SYN3: variants seen among roughly 807,000 people sequenced by gnomAD.
The protein encoded by SYN3 is synapsin III.
In SYN3, 35 loss-of-function variants were observed where a neutral mutation model predicts 65.8. The observed-to-expected ratio is 0.53, with a 90% CI of 0.41 to 0.70. The LOEUF is 0.70. Among genes scored for constraint, SYN3 ranks in the 30% least tolerant of loss-of-function variants. The probability of loss-of-function intolerance (pLI) is 0.00; values close to 1 mark genes in which losing one functional copy is unlikely to be tolerated. For missense variants in SYN3, 680 were observed against 749.0 expected, an observed-to-expected ratio of 0.91 and a Z score of 1.08; for synonymous variants, 270 against 292.9, an observed-to-expected ratio of 0.92 and a Z score of 0.80.
intron 6 of SYN3, among the ~76,000 whole-genome samples, chr22:32,690,976 C>A (rs2060654080): frequency 6.6e-6 from 1 of 152,132 alleles, no homozygotes; most frequent in African/African-American, 2.4e-5. Context: ...GATGGGGAGG[C>A]TGTGGGCTCA....
chr22:32,964,567 A>G (rs2051768429), intron 3 of SYN3, among the ~76,000 whole-genome samples: 1 of 152,168 alleles, frequency 6.6e-6, no homozygotes, highest in South Asian at 2.1e-4. Context: ...AGGGGAAAAC[A>G]GGTAGACACA....
intron 4 of SYN3, among the ~76,000 whole-genome samples, chr22:32,887,864 T>C: frequency 6.6e-6 from 1 of 152,140 alleles, no homozygotes; most frequent in East Asian, 1.9e-4. Context: ...TGGGGAAAGG[T>C]CTAGAGGAGA....
intron 3 of SYN3, among the ~76,000 whole-genome samples, chr22:32,974,825 A>G (rs1374190674): frequency 6.6e-6 from 1 of 152,202 alleles, no homozygotes; most frequent in Non-Finnish European, 1.5e-5. Flanking sequence ...AGCATATTAC[A>G]TTAACTCATT....
At chr22:32,842,325 C>A (rs1235688891) in intron 6 of SYN3, among the ~76,000 whole-genome samples, 1 of 152,076 alleles carries the variant, frequency 6.6e-6, no homozygotes, top group African/African-American at 2.4e-5. Context: ...ATCAGAGGGA[C>A]CCAGTCCAGG....
At chr22:32,629,146 CAGA>C (rs1343232036) in intron 6 of SYN3, among the ~76,000 whole-genome samples, 2 of 152,282 alleles carry the variant, frequency 1.3e-5, no homozygotes, top group African/African-American at 4.8e-5. Context: ...CCATCCCACT[CAGA>C]AATCGCTTTG....
chr22:32,782,515 CTTTTTT>C (rs1265679936), intron 6 of SYN3, among the ~76,000 whole-genome samples: 1 of 124,172 alleles, frequency 8.1e-6, no homozygotes. Flanking sequence ...CCTTGTAATT[CTTTTTT>C]TTTTTTTTTT....
intron 4 of SYN3, among the ~76,000 whole-genome samples, chr22:32,882,929 C>T (rs2049182780): frequency 6.6e-6 from 1 of 152,014 alleles, no homozygotes; most frequent in African/African-American, 2.4e-5. Context: ...CTCCTCTAAG[C>T]CCTTGCTTCT....
At chr22:32,949,835 G>A (rs190236836) in intron 3 of SYN3, among the ~76,000 whole-genome samples, 40 of 152,290 alleles carry the variant, frequency 2.6e-4, no homozygotes, top group Admixed American at 2.5e-3. Flanking sequence ...AGCAGAAATC[G>A]AGACATGGAC....
chr22:32,529,016 G>T lies in SYN3; in HGVS notation c.1096-8C>A. 6.2e-7 allele frequency: 1 copy of T among 1,613,718 alleles called. No individual in the cohort carries two copies. ...CATTGAGCTGTCCATTACCTGTGGG[G>T]AGGAAGGGAGAGCTGAGGGACCCCC... On this transcript the variant is annotated splice_polypyrimidine_tract_variant and splice_region_variant and intron_variant, in intron 10 of 13. Transcript: ENST00000358763.
intron 3 of SYN3, among the ~76,000 whole-genome samples, chr22:32,941,385 A>G (rs1197730493): frequency 1.3e-5 from 2 of 152,216 alleles, no homozygotes; most frequent in East Asian, 3.8e-4. Flanking sequence ...CCTTGTTGAA[A>G]GCTTGAGCCC....
Position 32,668,327 on chromosome 22 carries a change from G to A in SYN3, c.712-71591C>T, listed in dbSNP as rs562340633. Among the ~76,000 whole-genome samples, 74 of 152,050 alleles carry A rather than the reference G, an allele frequency of 4.9e-4. 2 individuals carry two copies. The South Asian group carries it at 0.015, about 31-fold the overall frequency. ...TATCTTTTCAATGAAAATGACAATCGGTTTTGTTTCTCCTCACTTCCCTCA... is the reference window on the plus strand; with the variant it reads ...TATCTTTTCAATGAAAATGACAATCAGTTTTGTTTCTCCTCACTTCCCTCA... On this transcript the variant is annotated intron_variant, in intron 6 of 13. Coordinates refer to ENST00000358763, the MANE Select transcript of SYN3 (RefSeq NM_003490.4).
intron 2 of SYN3, among the ~76,000 whole-genome samples, chr22:32,992,471 A>C (rs911426631): frequency 8.5e-5 from 13 of 152,158 alleles, no homozygotes; most frequent in Non-Finnish European, 1.8e-4. Flanking sequence ...GTCATGAAAC[A>C]AGTCCTCTAG....
chr22:32,814,227 GAAAAA>G (rs1246463192), intron 6 of SYN3, among the ~76,000 whole-genome samples: 1 of 122,990 alleles, frequency 8.1e-6, no homozygotes, highest in Non-Finnish European at 1.7e-5. Context: ...AGGAAAGAAA[GAAAAA>G]AAAAGAAAGA....
intron 6 of SYN3, among the ~76,000 whole-genome samples, chr22:32,857,544 C>T (rs2048405477): frequency 1.3e-5 from 2 of 152,274 alleles, no homozygotes; most frequent in South Asian, 4.1e-4. Context: ...TTAGGCTGGA[C>T]TTTGGAATTA....
At chr22:32,708,587 C>A (rs989230462) in intron 6 of SYN3, among the ~76,000 whole-genome samples, 1 of 152,162 alleles carries the variant, frequency 6.6e-6, no homozygotes, top group Non-Finnish European at 1.5e-5. Context: ...CTTCAATGAG[C>A]CCTTTGGGGA....
chr22:32,552,985 G>T (rs1179409173), intron 7 of SYN3, among the ~76,000 whole-genome samples: 1 of 152,206 alleles, frequency 6.6e-6, no homozygotes, highest in South Asian at 2.1e-4. Flanking sequence ...GTCAGGTTCT[G>T]GTGAGGCGCT....
intron 12 of SYN3, 128 bp from the exon 13 acceptor site, chr22:32,518,462 C>G (rs1476603414): frequency 9.2e-7 from 1 of 1,086,084 alleles, no homozygotes; most frequent in Non-Finnish European, 1.4e-6. Context: ...AACTGAAAAC[C>G]GTATAAATAC....
intron 6 of SYN3, among the ~76,000 whole-genome samples, chr22:32,641,579 G>T (rs1334459595): frequency 7.3e-6 from 1 of 137,330 alleles, no homozygotes; most frequent in Non-Finnish European, 1.5e-5. Context: ...CTGCACTCCA[G>T]CCTGGGCGAC....
intron 6 of SYN3, among the ~76,000 whole-genome samples, chr22:32,631,390 C>T (rs558745130): frequency 1.6e-4 from 25 of 151,694 alleles, no homozygotes; most frequent in East Asian, 3.9e-4. Flanking sequence ...TATTTTCAAA[C>T]GCTTGTCTCT....
Sources: allele counts gnomAD v4.1 joint callset (sites outside exome capture counted in the v4.1 genomes callset), GRCh38; gene constraint gnomAD v4.1.1; transcripts MANE v1.5; gene names NCBI Gene and HGNC (gene_info 2026-07-23, HGNC 2026-07-21).